The following GRID2 variants were observed in gnomAD, a reference collection of about 807,000 sequenced individuals.
GRID2 encodes the protein glutamate ionotropic receptor delta type subunit 2.
In GRID2, 33 loss-of-function variants were observed where a neutral mutation model predicts 114.8. The ratio of observed to expected loss-of-function variants is 0.29; its 90% CI spans 0.22 to 0.38. GRID2 has a LOEUF of 0.38. Among genes scored for constraint, GRID2 ranks in the 10% least tolerant of loss-of-function variants. GRID2 has a pLI of 1.00. For missense variants in GRID2, 1,184 were observed against 1,257.7 expected (o/e 0.94, Z 0.89); for synonymous variants, 505 against 449.9 (o/e 1.12, Z -1.55).
rs1218514373 is a variant in GRID2, at chr4:92,955,294, T to G, written c.245-129701T>G. Among the ~76,000 whole-genome samples, 28 of 151,466 alleles carry G rather than the reference T, an allele frequency of 1.8e-4. No individual in the cohort carries two copies. In the South Asian group the frequency reaches 4.0e-3, roughly 22 times the overall value. On this transcript the variant is annotated intron_variant, in intron 2 of 15. Coordinates refer to ENST00000282020, the MANE Select transcript of GRID2 (RefSeq NM_001510.4). ...CAGCACCTGTTGTTTCCTGACTTTTTAATGATTGCCATTCTAACTGGTGGG... is the reference window on the plus strand; with the variant it reads ...CAGCACCTGTTGTTTCCTGACTTTTGAATGATTGCCATTCTAACTGGTGGG...
At chr4:92,444,212 G>A (rs565855441) in intron 1 of GRID2, among the ~76,000 whole-genome samples, 25 of 152,286 alleles carry the variant, frequency 1.6e-4, no homozygotes, top group Non-Finnish European at 3.2e-4. Flanking sequence ...ATTCATGCGC[G>A]TCTGTGTGAA....
At chr4:92,827,626 T>G (rs1353281106) in intron 2 of GRID2, among the ~76,000 whole-genome samples, 1 of 152,028 alleles carries the variant, frequency 6.6e-6, no homozygotes, top group Non-Finnish European at 1.5e-5. Context: ...CACCAATATT[T>G]CAGAGAAGCC....
intron 8 of GRID2, among the ~76,000 whole-genome samples, chr4:93,240,909 A>G (rs576641172): frequency 1.3e-5 from 2 of 151,746 alleles, no homozygotes; most frequent in African/African-American, 4.8e-5. Context: ...AAGTTATTGA[A>G]TGTTTCTGTC....
intron 2 of GRID2, among the ~76,000 whole-genome samples, chr4:92,774,515 A>T (rs1472486167): frequency 1.3e-5 from 2 of 151,482 alleles, no homozygotes; most frequent in South Asian, 2.1e-4. Context: ...CCATACATTT[A>T]GATTAAACAG....
intron 3 of GRID2, among the ~76,000 whole-genome samples, chr4:93,095,609 G>A (rs569764425): frequency 7.9e-5 from 12 of 151,788 alleles, no homozygotes; most frequent in Non-Finnish European, 1.3e-4. Flanking sequence ...GCCTATATTC[G>A]CAAGTAATTG....
At chr4:93,221,917 A>C (rs1003833713) in intron 6 of GRID2, among the ~76,000 whole-genome samples, 1 of 152,154 alleles carries the variant, frequency 6.6e-6, no homozygotes, top group African/African-American at 2.4e-5. Flanking sequence ...AGATGCTCAA[A>C]ATACATGCCT....
At chr4:92,350,780 A>G (rs1185992463) in intron 1 of GRID2, among the ~76,000 whole-genome samples, 1 of 151,846 alleles carries the variant, frequency 6.6e-6, no homozygotes, top group Non-Finnish European at 1.5e-5. Context: ...ATTTTAGACT[A>G]TGTATTCACT....
intron 1 of GRID2, among the ~76,000 whole-genome samples, chr4:92,425,445 T>G (rs2110331591): frequency 6.6e-6 from 1 of 152,238 alleles, no homozygotes; most frequent in South Asian, 2.1e-4. Context: ...AAGTGAAATT[T>G]TAACTTGCAT....
chr4:92,767,562 C>G (rs1738324213), intron 2 of GRID2, among the ~76,000 whole-genome samples: 1 of 152,028 alleles, frequency 6.6e-6, no homozygotes, highest in Non-Finnish European at 1.5e-5. Flanking sequence ...ACCAGCCTGG[C>G]TAACATGCTG....
chr4:92,554,974 G>A (rs1191278135), intron 1 of GRID2, among the ~76,000 whole-genome samples: 2 of 152,094 alleles, frequency 1.3e-5, no homozygotes, highest in African/African-American at 4.8e-5. Flanking sequence ...AAGATATTTT[G>A]CATAAGGTTA....
chr4:92,875,084 G>T (rs909643528), intron 2 of GRID2, among the ~76,000 whole-genome samples: 1 of 150,070 alleles, frequency 6.7e-6, no homozygotes, highest in Non-Finnish European at 1.5e-5. Flanking sequence ...GTGAAATTTC[G>T]TGTGCCAAGG....
intron 2 of GRID2, among the ~76,000 whole-genome samples, chr4:92,809,962 C>T (rs559030858): frequency 1.3e-5 from 2 of 152,102 alleles, no homozygotes; most frequent in Non-Finnish European, 2.9e-5. Flanking sequence ...GTCCTGTTCA[C>T]TTTTCATTTT....
At chr4:93,637,451 A>G (rs1266547431) in intron 14 of GRID2, among the ~76,000 whole-genome samples, 3 of 152,126 alleles carry the variant, frequency 2.0e-5, no homozygotes, top group African/African-American at 7.2e-5. Flanking sequence ...TCATATTCCC[A>G]CAAGTCTAAG....
At chr4:93,298,434 G>A (rs1247738755) in intron 8 of GRID2, among the ~76,000 whole-genome samples, 4 of 152,084 alleles carry the variant, frequency 2.6e-5, no homozygotes, top group African/African-American at 9.7e-5. Context: ...AGCTCTCTAT[G>A]GTCCCTTTTA....
intron 1 of GRID2, among the ~76,000 whole-genome samples, chr4:92,547,327 T>A (rs1726316031): frequency 6.6e-6 from 1 of 152,216 alleles, no homozygotes; most frequent in Admixed American, 6.5e-5. Context: ...ATAATAGTTC[T>A]TGTATTGAAT....
At chr4:93,187,951 C>G (rs762533932) in intron 4 of GRID2, among the ~76,000 whole-genome samples, 1 of 152,204 alleles carries the variant, frequency 6.6e-6, no homozygotes, top group Non-Finnish European at 1.5e-5. Flanking sequence ...TCCAGGAAGC[C>G]CTGCCCACAT....
intron 13 of GRID2, among the ~76,000 whole-genome samples, chr4:93,604,871 C>T (rs1372806573): frequency 6.6e-6 from 1 of 152,118 alleles, no homozygotes; most frequent in Non-Finnish European, 1.5e-5. Context: ...AAACATGATG[C>T]CATTGCACAC....
rs1442603791 is a variant in GRID2 at position 92,304,163 on chromosome 4, C to T, written c.-494C>T. 1 of 171,878 alleles carries T rather than the reference C, an allele frequency of 5.8e-6. No individual in the cohort carries two copies. Among genetic ancestry groups the T allele is most frequent in the Non-Finnish European group, 1.2e-5 (1 of 81,490 alleles). 10.6% of individuals were successfully genotyped at this position (171,878 alleles called of 1,614,324 possible). Reference sequence around the variant, plus strand: ...CTAATCTTTCCTTTCCACTTAGATTCTGGCAGCGAAGACCAGTGATTCTCT... The same window carrying T: ...CTAATCTTTCCTTTCCACTTAGATTTTGGCAGCGAAGACCAGTGATTCTCT... On this transcript the variant is annotated 5_prime_UTR_variant, in exon 1 of 16. Coordinates refer to ENST00000282020, the MANE Select transcript of GRID2 (RefSeq NM_001510.4).
chr4:92,659,965 A>T (rs1732443924), intron 2 of GRID2, among the ~76,000 whole-genome samples: 1 of 151,466 alleles, frequency 6.6e-6, no homozygotes, highest in Non-Finnish European at 1.5e-5. Context: ...TCTAACACTG[A>T]ACGTTAACGT....
Sources: gnomAD v4.1 joint callset for allele counts (sites outside exome capture counted in the v4.1 genomes callset) on GRCh38, gnomAD v4.1.1 for gene constraint, MANE v1.5 for transcripts, NCBI Gene and HGNC (gene_info 2026-07-23, HGNC 2026-07-21) for gene names.